Variants in SGK1 observed in about 807,000 individuals in gnomAD.
SGK1 encodes serum/glucocorticoid regulated kinase 1, also known as serine/threonine-protein kinase Sgk1.
A neutral mutation model predicts 64.2 loss-of-function variants in SGK1; 26 were observed. The observed-to-expected ratio is 0.40, with a 90% CI of 0.30 to 0.56. The LOEUF is 0.56. Ranked by LOEUF, SGK1 falls within the 20% of genes least tolerant of loss-of-function variation. The pLI, the probability that SGK1 is intolerant of heterozygous loss-of-function variation, is 0.38. For missense variants in SGK1, 519 were observed against 645.6 expected, an observed-to-expected ratio of 0.80 and a Z score of 2.12; for synonymous variants, 265 against 239.7, an observed-to-expected ratio of 1.11 and a Z score of -0.98.
intron 2 of SGK1, chr6:134,214,795 G>C (rs1775950967): frequency 5.4e-6 from 1 of 184,738 alleles, no homozygotes; most frequent in Admixed American, 5.6e-5. Context: ...TAGAAGTTTT[G>C]GGTGGGGGGA....
intron 3 of SGK1, among the ~76,000 whole-genome samples, chr6:134,206,338 G>C (rs12193187): frequency 3.1e-5 from 1 of 32,762 alleles, no homozygotes; most frequent in Non-Finnish European, 6.7e-5. Flanking sequence ...TGTACCTGAT[G>C]ATATATATAT....
At chr6:134,242,284 G>A (rs1428352296) in intron 2 of SGK1, among the ~76,000 whole-genome samples, 3 of 152,054 alleles carry the variant, frequency 2.0e-5, no homozygotes, top group Non-Finnish European at 2.9e-5. Flanking sequence ...TCAGGAGTTC[G>A]AGACCAGCCT....
chr6:134,276,559 C>T (rs1381412131), intron 1 of SGK1, among the ~76,000 whole-genome samples: 5 of 152,110 alleles, frequency 3.3e-5, no homozygotes, highest in Admixed American at 6.5e-5. Flanking sequence ...AGGGAGGGTA[C>T]GCTGAAGGAT....
At chr6:134,283,873 C>CAAAAAAAAA (rs35999916) in intron 1 of SGK1, among the ~76,000 whole-genome samples, 2 of 26,152 alleles carry the variant, frequency 7.6e-5, no homozygotes, top group Non-Finnish European at 1.4e-4. Flanking sequence ...CTGCCACCAC[C>CAAAAAAAAA]AAAAAAAAAA....
intron 3 of SGK1, among the ~76,000 whole-genome samples, chr6:134,178,176 T>C (rs940731467): frequency 3.9e-5 from 6 of 152,282 alleles, no homozygotes; most frequent in Admixed American, 1.3e-4. Context: ...TGCAACCGTA[T>C]GATTTGTGGT....
intron 1 of SGK1, among the ~76,000 whole-genome samples, chr6:134,286,977 T>C (rs1316088064): frequency 1.3e-5 from 2 of 152,120 alleles, no homozygotes; most frequent in Non-Finnish European, 2.9e-5. Flanking sequence ...CTCTACAGTA[T>C]TTTCTTGGAG....
intron 3 of SGK1, among the ~76,000 whole-genome samples, chr6:134,205,352 GA>G (rs1437762247): frequency 6.6e-6 from 1 of 150,810 alleles, no homozygotes; most frequent in African/African-American, 2.4e-5. Context: ...TTCTTCAAAA[GA>G]TATAATAAAA....
chr6:134,175,965 T>G, intron 3 of SGK1: 1 of 1,143,304 alleles, frequency 8.7e-7, no homozygotes, highest in East Asian at 4.3e-5. Context: ...AAGTCGTCTC[T>G]GCACTAAAGG....
At chr6:134,290,330 AAAAAGAAAAG>A (rs139304924) in intron 1 of SGK1, among the ~76,000 whole-genome samples, 1,573 of 145,220 alleles carry the variant, frequency 0.011, 28 homozygotes, top group African/African-American at 0.037. Context: ...CCTCTAAAAA[AAAAAGAAAAG>A]AAAAGAAAAG....
intron 2 of SGK1, among the ~76,000 whole-genome samples, chr6:134,214,090 AT>A (rs919851703): frequency 2.6e-5 from 4 of 151,016 alleles, no homozygotes; most frequent in Admixed American, 6.6e-5. Context: ...ATTAAAAAAA[AT>A]TTTTTTTTTT....
chr6:134,195,798 G>A (rs1223112759), intron 3 of SGK1, among the ~76,000 whole-genome samples: 1 of 152,166 alleles, frequency 6.6e-6, no homozygotes, highest in African/African-American at 2.4e-5. Context: ...TCAGTTTTGT[G>A]TCTGGGGCTC....
At chr6:134,187,458 G>C (rs927024118) in intron 3 of SGK1, among the ~76,000 whole-genome samples, 3 of 152,172 alleles carry the variant, frequency 2.0e-5, no homozygotes, top group Non-Finnish European at 4.4e-5. Flanking sequence ...TGGACCTGTG[G>C]ATCCTGGCTA....
intron 2 of SGK1, among the ~76,000 whole-genome samples, chr6:134,220,053 C>T (rs1439806555): frequency 4.2e-5 from 2 of 47,966 alleles, no homozygotes; most frequent in East Asian, 8.6e-4. Context: ...AGCGAGACTC[C>T]GTCTCAAAAA....
intron 2 of SGK1, chr6:134,260,245 AG>A (rs1257102010): frequency 6.6e-6 from 1 of 151,210 alleles, no homozygotes; most frequent in Admixed American, 6.6e-5. Flanking sequence ...TTTACTTGGG[AG>A]GGTTGAGGTG....
intron 3 of SGK1, among the ~76,000 whole-genome samples, chr6:134,201,816 C>T (rs529326956): frequency 1.5e-3 from 227 of 152,254 alleles, no homozygotes; most frequent in Non-Finnish European, 1.2e-3. Context: ...TATGGAGCTG[C>T]TCAAGCTTGT....
At chr6:134,233,324 GCT>G (rs1372706423) in intron 2 of SGK1, among the ~76,000 whole-genome samples, 1 of 152,130 alleles carries the variant, frequency 6.6e-6, no homozygotes, top group Non-Finnish European at 1.5e-5. Flanking sequence ...CAAAAATAAA[GCT>G]CTCTCATACT....
intron 2 of SGK1, among the ~76,000 whole-genome samples, chr6:134,232,738 C>G (rs889188414): frequency 6.6e-6 from 1 of 151,602 alleles, no homozygotes; most frequent in African/African-American, 2.4e-5. Context: ...GTAATCCCAG[C>G]TACCTGGGAG....
intron 2 of SGK1, among the ~76,000 whole-genome samples, chr6:134,228,161 G>A (rs1776217822): frequency 6.6e-6 from 1 of 151,916 alleles, no homozygotes; most frequent in East Asian, 1.9e-4. Flanking sequence ...CACCATGTTG[G>A]CCAGGCTGGT....
intron 1 of SGK1, chr6:134,297,144 T>C (rs367924629): frequency 6.7e-6 from 4 of 595,570 alleles, no homozygotes; most frequent in South Asian, 1.5e-5. Context: ...GAGGCCCCCA[T>C]AGGCTGAGCA....
Sources: gnomAD v4.1 joint callset for allele counts (sites outside exome capture counted in the v4.1 genomes callset) on GRCh38, gnomAD v4.1.1 for gene constraint, MANE v1.5 for transcripts, NCBI Gene and HGNC (gene_info 2026-07-23, HGNC 2026-07-21) for gene names.